Variants in NLGN4X observed in about 807,000 individuals in gnomAD.
NLGN4X encodes neuroligin 4 X-linked.
Under a neutral mutation model 40.3 loss-of-function variants are expected in NLGN4X, and 3 were observed. The ratio of observed to expected loss-of-function variants is 0.07; its 90% confidence interval spans 0.03 to 0.19. The LOEUF is 0.19. NLGN4X is among the 10% of genes least tolerant of loss of function. The pLI is 1.00. For synonymous variants in NLGN4X, 270 were observed against 306.8 expected (o/e 0.88, Z 1.25); for missense variants, 382 against 708.3 (o/e 0.54, Z 5.23).
chrX:6,022,813 G>A (rs2036590106), intron 3 of NLGN4X, among the ~76,000 whole-genome samples: 1 of 111,710 alleles, frequency 9.0e-6, no homozygotes, highest in Non-Finnish European at 1.9e-5. Context: ...AACCCTACAA[G>A]GGACACCAGA....
chrX:5,992,557 C>T (rs923118990), intron 3 of NLGN4X, among the ~76,000 whole-genome samples: 3 of 111,373 alleles, frequency 2.7e-5, no homozygotes, highest in East Asian at 2.8e-4. Flanking sequence ...GCTATGATTG[C>T]ACCACTGTAC....
intron 1 of NLGN4X, among the ~76,000 whole-genome samples, chrX:6,193,148 G>A (rs1246536556): frequency 3.6e-5 from 4 of 110,489 alleles, no homozygotes; most frequent in South Asian, 7.6e-4. Flanking sequence ...TGGGCCGGGC[G>A]CGGTGGCTCA....
At chrX:5,910,510 C>T (rs2032426358) in intron 3 of NLGN4X, among the ~76,000 whole-genome samples, 1 of 110,951 alleles carries the variant, frequency 9.0e-6, no homozygotes, top group East Asian at 2.8e-4. Context: ...CTGCTTTAAG[C>T]CCTAAAATAA....
In NLGN4X at chrX:5,892,517, C is replaced by T; in HGVS notation, c.*300G>A. ...CCCGGGGCCTTGAAATGGTGATGTC[C>T]TATCACACTAAACATCGATTGGAGT... On this transcript the variant is annotated 3_prime_UTR_variant, in exon 6 of 6. Transcript: ENST00000381095. 1.6e-5 allele frequency: 5 copies of T among 315,792 alleles called. No individual in the cohort carries two copies. The South Asian group carries it at 2.1e-4, about 13-fold the overall frequency. The allele number at this position is 315,792 out of a possible 1,213,427, so 26.0% of individuals were successfully genotyped here. A position where few individuals can be genotyped will look rare whatever the true frequency, so the allele number is the denominator to read the frequency against.
At chrX:6,037,467 TTAA>T (rs1445872365) in intron 2 of NLGN4X, among the ~76,000 whole-genome samples, 1 of 111,260 alleles carries the variant, frequency 9.0e-6, no homozygotes, top group Non-Finnish European at 1.9e-5. Context: ...TTAATATATA[TTAA>T]TTATTGCCAC....
At chrX:5,957,768 C>T (rs1419042951) in intron 3 of NLGN4X, among the ~76,000 whole-genome samples, 2 of 111,862 alleles carry the variant, frequency 1.8e-5, no homozygotes, top group African/African-American at 6.5e-5. Flanking sequence ...AGAGCAACAG[C>T]GATTAAGCAG....
chrX:6,135,250 T>G (rs1310435079), intron 2 of NLGN4X, among the ~76,000 whole-genome samples: 1 of 111,714 alleles, frequency 9.0e-6, no homozygotes, highest in East Asian at 2.8e-4. Flanking sequence ...AATAGAAATA[T>G]CCTCATCTGT....
intron 1 of NLGN4X, among the ~76,000 whole-genome samples, chrX:6,202,860 T>C (rs755243593): frequency 1.8e-5 from 2 of 112,188 alleles, no homozygotes; most frequent in African/African-American, 6.5e-5. Context: ...TTTTCTTAAC[T>C]GGACAACTCC....
chrX:5,962,674 G>A (rs1268771207), intron 3 of NLGN4X, among the ~76,000 whole-genome samples: 1 of 111,882 alleles, frequency 8.9e-6, no homozygotes, highest in African/African-American at 3.2e-5. Flanking sequence ...CCTTCCCCCA[G>A]GAGATGGTAT....
intron 1 of NLGN4X, among the ~76,000 whole-genome samples, chrX:6,195,893 A>AT (rs1469214201): frequency 1.8e-5 from 2 of 111,116 alleles, no homozygotes; most frequent in African/African-American, 3.3e-5. Context: ...GGCTCAGGTG[A>AT]TCCCCCTGCC....
intron 3 of NLGN4X, among the ~76,000 whole-genome samples, chrX:5,925,929 TATAA>T (rs2033296849): frequency 1.7e-5 from 1 of 58,700 alleles, no homozygotes; most frequent in Non-Finnish European, 3.2e-5. Flanking sequence ...TATATATATA[TATAA>T]ACCTGCGAAG....
intron 2 of NLGN4X, among the ~76,000 whole-genome samples, chrX:6,083,051 G>A (rs1319028086): frequency 5.1e-5 from 5 of 98,232 alleles, no homozygotes; most frequent in African/African-American, 1.9e-4. Context: ...TCCGCCCCCT[G>A]GGGTTCACGC....
chrX:5,925,881 CAT>C (rs55860509), intron 3 of NLGN4X, among the ~76,000 whole-genome samples: 304 of 19,426 alleles, frequency 0.016, 1 homozygote, highest in Non-Finnish European at 0.025. Flanking sequence ...TACATACACA[CAT>C]ATATATATAT....
At chrX:6,131,242 A>G (rs966311399) in intron 2 of NLGN4X, among the ~76,000 whole-genome samples, 6 of 111,413 alleles carry the variant, frequency 5.4e-5, no homozygotes, top group African/African-American at 2.0e-4. Flanking sequence ...AAGATCTCCT[A>G]TCTTCCCTGT....
At chrX:6,041,383 T>A (rs1301628663) in intron 2 of NLGN4X, among the ~76,000 whole-genome samples, 1 of 112,301 alleles carries the variant, frequency 8.9e-6, no homozygotes, top group African/African-American at 3.2e-5. Flanking sequence ...AAAAGCTAAC[T>A]GATACACTAC....
intron 2 of NLGN4X, among the ~76,000 whole-genome samples, chrX:6,042,306 G>A (rs2037179143): frequency 9.0e-6 from 1 of 110,858 alleles, no homozygotes; most frequent in African/African-American, 3.3e-5. Flanking sequence ...GATTTTATGG[G>A]TCTCTGACAT....
chrX:6,219,628 C>T (rs1925480065), intron 1 of NLGN4X, among the ~76,000 whole-genome samples: 1 of 106,889 alleles, frequency 9.4e-6, no homozygotes, highest in Non-Finnish European at 1.9e-5. Context: ...TTCCTCCATC[C>T]CTTCCTTCTT....
At chrX:6,155,728 A>T (rs2040249272) in intron 1 of NLGN4X, among the ~76,000 whole-genome samples, 1 of 112,476 alleles carries the variant, frequency 8.9e-6, no homozygotes, top group Admixed American at 9.4e-5. Flanking sequence ...CTTTTGTCAA[A>T]TCTTAAGAGT....
rs60404346 is a variant in NLGN4X at position 6,037,041 on chromosome X, G to T, written c.473-7609C>A. 2.7e-5 allele frequency among the ~76,000 whole-genome samples: 3 copies of T among 111,032 alleles called. No individual in the cohort carries two copies. In the Admixed American group the frequency reaches 2.9e-4, roughly 11 times the overall value. ...AGAATTTGGAAAATGATATGGGCGCGGTGGCTCATGCCTGTAATCCCAACA... is the reference window on the plus strand; with the variant it reads ...AGAATTTGGAAAATGATATGGGCGCTGTGGCTCATGCCTGTAATCCCAACA... On this transcript the variant is annotated intron_variant, in intron 2 of 5. Coordinates refer to ENST00000381095, the MANE Select transcript of NLGN4X (RefSeq NM_181332.3).
Sources: allele counts gnomAD v4.1 joint callset (sites outside exome capture counted in the v4.1 genomes callset), GRCh38; gene constraint gnomAD v4.1.1; transcripts MANE v1.5; gene names NCBI Gene and HGNC (gene_info 2026-07-23, HGNC 2026-07-21).